CXADR: variants seen among roughly 807,000 people sequenced by gnomAD.
The protein encoded by CXADR is CXADR cell adhesion molecule, also known as coxsackievirus and adenovirus receptor.
Under a neutral mutation model 40.3 loss-of-function variants are expected in CXADR, and 20 were observed. The ratio of observed to expected loss-of-function variants is 0.50; its 90% CI spans 0.35 to 0.72. The LOEUF is 0.72. Ranked by LOEUF, CXADR falls within the 30% of genes least tolerant of loss-of-function variation. CXADR has a pLI of 0.01. For synonymous variants in CXADR, 150 were observed against 161.3 expected, an observed-to-expected ratio of 0.93 and a Z score of 0.53; for missense variants, 332 against 449.1, an observed-to-expected ratio of 0.74 and a Z score of 2.36.
chr21:17,559,031 C>T lies in CXADR; in HGVS notation c.471C>T (p.Asp157=), dbSNP rs1243048131. ...YVDGSEEIGS[D]FKIKCEPKEG... ...ATGGATCTGAAGAAATTGGAAGTGACTTTAAGATAAAATGTGAACCAAAAG... is the reference window on the plus strand; with the variant it reads ...ATGGATCTGAAGAAATTGGAAGTGATTTTAAGATAAAATGTGAACCAAAAG... Residue 157 remains aspartate (D), a synonymous_variant, in exon 4 of 7, where the codon GAC becomes GAT. Transcript: ENST00000284878. The T allele has an allele frequency of 2.5e-6, 4 of 1,613,886 alleles. No homozygotes were observed. The highest frequency in any genetic ancestry group is 2.7e-5 in the African/African-American group (2 of 74,920).
chr21:17,564,559 T>G (rs188136956), intron 6 of CXADR, among the ~76,000 whole-genome samples: 33 of 152,212 alleles, frequency 2.2e-4, no homozygotes, highest in African/African-American at 7.7e-4. Context: ...TTCACAGATG[T>G]GGAACCCGTG....
At chr21:17,618,407 T>C in the CXADR span, among the ~76,000 whole-genome samples, 1 of 152,254 alleles carries the variant, frequency 6.6e-6, no homozygotes, top group Non-Finnish European at 1.5e-5. Flanking sequence ...CTCCTGTGAA[T>C]TGCGAATGTT....
At chr21:17,621,585 A>C in the CXADR span, among the ~76,000 whole-genome samples, 1 of 152,216 alleles carries the variant, frequency 6.6e-6, no homozygotes, top group Admixed American at 6.5e-5. Flanking sequence ...GACCTTTAGA[A>C]GGTAATTAGG....
intron 2 of CXADR, among the ~76,000 whole-genome samples, chr21:17,550,407 A>T (rs2123262819): frequency 6.6e-6 from 1 of 151,354 alleles, no homozygotes; most frequent in Non-Finnish European, 1.5e-5. Context: ...GTGGTTGGGA[A>T]GGAGATAATA....
At chr21:17,570,452 A>G (rs1429849107), downstream of CXADR, among the ~76,000 whole-genome samples, 3 of 152,206 alleles carry the variant, frequency 2.0e-5, no homozygotes, top group Non-Finnish European at 4.4e-5. Flanking sequence ...GAAGTCAAAG[A>G]TCAAGGCACT....
At chr21:17,598,536 G>A (rs373869832), downstream of CXADR, 2 of 1,177,856 alleles carry the variant, frequency 1.7e-6, no homozygotes, top group South Asian at 1.5e-5. Flanking sequence ...CAGAAACCTT[G>A]GGCAATGCCA....
chr21:17,526,536 G>T (rs2060600493), intron 1 of CXADR, among the ~76,000 whole-genome samples: 1 of 152,074 alleles, frequency 6.6e-6, no homozygotes, highest in Admixed American at 6.6e-5. Flanking sequence ...TTTATGGAAA[G>T]GTCCAAAAGA....
At position 17,567,873 on chromosome 21, in the gene CXADR, TA is replaced by T; in HGVS notation, c.*2183del. ...TAAGACTTTCCTTCCTTTTTTTTTTTAATAACATATGAGGAACAAGACTTCT... is the reference window on the plus strand; with the variant it reads ...TAAGACTTTCCTTCCTTTTTTTTTTTATAACATATGAGGAACAAGACTTCT... On this transcript the variant is annotated 3_prime_UTR_variant, in exon 7 of 7. Transcript: ENST00000284878. The T allele has an allele frequency of 1.0e-6, 1 of 971,154 alleles. No homozygotes were observed. The highest frequency in any genetic ancestry group is 1.2e-6 in the Non-Finnish European group (1 of 817,556). 60.2% of individuals were successfully genotyped at this position (971,154 alleles called of 1,614,324 possible).
At chr21:17,574,025 C>G (rs570043971), downstream of CXADR, among the ~76,000 whole-genome samples, 1 of 152,292 alleles carries the variant, frequency 6.6e-6, no homozygotes, top group African/African-American at 2.4e-5. Context: ...TTGATCTTAG[C>G]CAAAAGGCCA....
Position 17,562,137 on chromosome 21 carries a change from T to A in CXADR, c.833+661T>A, listed in dbSNP as rs1374236022. On this transcript the variant is annotated intron_variant, in intron 6 of 6. Coordinates refer to ENST00000284878, the MANE Select transcript of CXADR (RefSeq NM_001338.5). The stretch of plus-strand genomic sequence containing the variant: ...AGTAGCATTATGTGTAAAAAAACAG[T>A]GTAGATACCCCAATTAAAAAATATT... Among the ~76,000 whole-genome samples the A allele has an allele frequency of 6.4e-5, 6 of 93,070 alleles. 1 individual carries two copies. Among genetic ancestry groups the A allele is most frequent in the Non-Finnish European group, 1.3e-4 (6 of 46,872 alleles). The allele number at this position is 93,070 out of a possible 152,430, so 61.1% of individuals were successfully genotyped here. A position where few individuals can be genotyped will look rare whatever the true frequency, so the allele number is the denominator to read the frequency against.
chr21:17,518,574 A>G, intron 1 of CXADR: 1 of 1,244,578 alleles, frequency 8.0e-7, no homozygotes, highest in Non-Finnish European at 1.2e-6. Flanking sequence ...GATCGGGAAC[A>G]TCATCATCCT....
In CXADR at chr21:17,564,141, T is replaced by A. The variant is rs9984344; in HGVS notation, c.834-1287T>A. ...GATAACTCATATACATAGTTATTCT[T>A]CGGTATCCATGGAGGACCTCCTGCA... is the stretch of plus-strand genomic sequence containing the variant. On this transcript the variant is annotated intron_variant, in intron 6 of 6. Coordinates refer to ENST00000284878, the MANE Select transcript of CXADR (RefSeq NM_001338.5). Among the ~76,000 whole-genome samples the A allele has an allele frequency of 6.3e-3, 954 of 151,696 alleles. 11 individuals carry two copies. Among genetic ancestry groups the A allele is most frequent in the African/African-American group, 0.022 (892 of 41,416 alleles).
intron 7 of CXADR, among the ~76,000 whole-genome samples, chr21:17,577,940 A>G (rs193159996): frequency 6.6e-6 from 1 of 152,190 alleles, no homozygotes; most frequent in Admixed American, 6.5e-5. Context: ...AATGTCCTCC[A>G]GGTTCATTCA....
downstream of CXADR, among the ~76,000 whole-genome samples, chr21:17,595,331 C>T (rs2061490896): frequency 1.3e-5 from 2 of 151,890 alleles, no homozygotes; most frequent in Non-Finnish European, 2.9e-5. Flanking sequence ...TTGTGTATAG[C>T]ATTGCATTCA....
intron 2 of CXADR, among the ~76,000 whole-genome samples, chr21:17,551,337 G>A (rs1275452999): frequency 6.8e-6 from 1 of 146,686 alleles, no homozygotes; most frequent in Non-Finnish European, 1.5e-5. Context: ...GAGGTGGAGG[G>A]AGCCGAGATC....
At chr21:17,531,158 C>T (rs866192152) in intron 1 of CXADR, among the ~76,000 whole-genome samples, 8 of 151,608 alleles carry the variant, frequency 5.3e-5, no homozygotes, top group African/African-American at 1.2e-4. Context: ...CTTAGTTGGT[C>T]GTGGTGGCAG....
intron 7 of CXADR, among the ~76,000 whole-genome samples, chr21:17,583,630 CT>C (rs2061375873): frequency 6.6e-6 from 1 of 152,170 alleles, no homozygotes; most frequent in African/African-American, 2.4e-5. Context: ...TTTGCTCCCC[CT>C]GGTATCAGTG....
At chr21:17,563,538 G>A (rs761881305) in intron 6 of CXADR, among the ~76,000 whole-genome samples, 4 of 152,080 alleles carry the variant, frequency 2.6e-5, no homozygotes, top group Non-Finnish European at 5.9e-5. Context: ...TAACATCAAA[G>A]ATCACTGATC....
At chr21:17,546,508 C>T (rs1264973491) in intron 1 of CXADR, among the ~76,000 whole-genome samples, 2 of 152,148 alleles carry the variant, frequency 1.3e-5, no homozygotes, top group Admixed American at 6.5e-5. Context: ...TCCCACGTGG[C>T]CAGAGCAGAG....
Sources: allele counts gnomAD v4.1 joint callset (sites outside exome capture counted in the v4.1 genomes callset), GRCh38; gene constraint gnomAD v4.1.1; transcripts MANE v1.5; gene names NCBI Gene and HGNC (gene_info 2026-07-23, HGNC 2026-07-21).